NAA11: variants seen among roughly 807,000 people sequenced by gnomAD.
NAA11 encodes N-alpha-acetyltransferase 11.
A neutral mutation model predicts 16.1 loss-of-function variants in NAA11; 15 were observed. The observed-to-expected ratio is 0.93, with a 90% CI of 0.62 to 1.44. NAA11 has a LOEUF of 1.44. Among genes scored for constraint, NAA11 ranks in the 40% most tolerant of loss-of-function variants. NAA11 has a pLI of 0.00. For missense variants in NAA11, 298 were observed against 291.3 expected, an observed-to-expected ratio of 1.02 and a Z score of -0.17; for synonymous variants, 122 against 112.4, an observed-to-expected ratio of 1.09 and a Z score of -0.54.
the NAA11 span, among the ~76,000 whole-genome samples, chr4:79,194,048 C>T: frequency 6.6e-6 from 1 of 152,094 alleles, no homozygotes; most frequent in South Asian, 2.1e-4. Flanking sequence ...TATAAGAATG[C>T]TTGTGATTTT....
At chr4:79,235,634 G>A (rs1578154620) in intron 2 of NAA11, among the ~76,000 whole-genome samples, 2 of 152,116 alleles carry the variant, frequency 1.3e-5, no homozygotes, top group African/African-American at 4.8e-5. Flanking sequence ...TAACAGGATA[G>A]TTACTGACAA....
chr4:79,181,899 A>G, the NAA11 span, among the ~76,000 whole-genome samples: 1 of 152,356 alleles, frequency 6.6e-6, no homozygotes, highest in South Asian at 2.1e-4. Context: ...TGATAGACGT[A>G]TAATTTTACC....
chr4:79,155,928 C>T, the NAA11 span, among the ~76,000 whole-genome samples: 1 of 152,144 alleles, frequency 6.6e-6, no homozygotes, highest in Non-Finnish European at 1.5e-5. Flanking sequence ...TTTTAGGAAA[C>T]ATATTTCATT....
At chr4:79,312,650 A>C (rs979722284), downstream of NAA11, among the ~76,000 whole-genome samples, 3 of 50,352 alleles carry the variant, frequency 6.0e-5, no homozygotes, top group East Asian at 5.6e-3. Flanking sequence ...CCATCTCAAA[A>C]AAAAAAAAAA....
chr4:79,312,646 CAAAAAAAAAAAAAA>C (rs544315352), downstream of NAA11, among the ~76,000 whole-genome samples: 1 of 69,448 alleles, frequency 1.4e-5, no homozygotes, highest in African/African-American at 6.1e-5. Flanking sequence ...GACTCCATCT[CAAAAAAAAAAAAAA>C]AAAAAAAAAA....
Position 79,283,949 on chromosome 4 carries a change from C to T in NAA11, c.*122+10056G>A, listed in dbSNP as rs183797143. Reference sequence around the variant, plus strand: ...ACCTATCCATCCCTATTACCTGCCACAGAGCTTAGGGCTTTTAACAAATAT... The same window carrying T: ...ACCTATCCATCCCTATTACCTGCCATAGAGCTTAGGGCTTTTAACAAATAT... On this transcript the variant is annotated intron_variant and NMD_transcript_variant, in intron 2 of 2. Transcript: ENST00000511542. Among the ~76,000 whole-genome samples, 19 of 152,156 alleles carry T rather than the reference C, an allele frequency of 1.2e-4. No homozygotes were observed. The East Asian group carries it at 2.9e-3, about 23-fold the overall frequency.
At chr4:79,228,336 ATTATT>A (rs1721373232) in intron 2 of NAA11, among the ~76,000 whole-genome samples, 1 of 152,048 alleles carries the variant, frequency 6.6e-6, no homozygotes, top group Admixed American at 6.6e-5. Context: ...GAATTTGGAA[ATTATT>A]TTATTATGAT....
chr4:79,247,850 C>T (rs1721877304), intron 2 of NAA11, among the ~76,000 whole-genome samples: 1 of 152,104 alleles, frequency 6.6e-6, no homozygotes, highest in African/African-American at 2.4e-5. Context: ...CCCCATGACC[C>T]CCACAGACAC....
chr4:79,219,239 G>GGTTAAA, the NAA11 span, among the ~76,000 whole-genome samples: 1 of 152,082 alleles, frequency 6.6e-6, no homozygotes, highest in African/African-American at 2.4e-5. Context: ...ATTGGATGAG[G>GGTTAAA]GTTAAATGAA....
chr4:79,158,747 G>A, the NAA11 span, among the ~76,000 whole-genome samples: 1 of 129,684 alleles, frequency 7.7e-6, no homozygotes, highest in African/African-American at 2.6e-5. Context: ...AAACAGCATG[G>A]TACTGGTATA....
intron 2 of NAA11, among the ~76,000 whole-genome samples, chr4:79,286,612 C>G (rs955018932): frequency 3.3e-5 from 5 of 152,036 alleles, no homozygotes; most frequent in Non-Finnish European, 7.4e-5. Context: ...AATGCTGTGA[C>G]TCGCTCAAAT....
At chr4:79,204,926 T>A in the NAA11 span, among the ~76,000 whole-genome samples, 2 of 39,580 alleles carry the variant, frequency 5.1e-5, no homozygotes, top group African/African-American at 1.4e-4. Flanking sequence ...CCATGGTGTG[T>A]ATACACACAC....
At chr4:79,312,909 A>G (rs1416696725), downstream of NAA11, among the ~76,000 whole-genome samples, 1 of 152,220 alleles carries the variant, frequency 6.6e-6, no homozygotes, top group Non-Finnish European at 1.5e-5. Flanking sequence ...CTTTACCTGA[A>G]AAATATATTA....
At chr4:79,319,424 A>G (rs1724027165) in intron 1 of NAA11, among the ~76,000 whole-genome samples, 1 of 152,226 alleles carries the variant, frequency 6.6e-6, no homozygotes, top group African/African-American at 2.4e-5. Flanking sequence ...ATGGCATTGT[A>G]GAATATTTTC....
At chr4:79,176,771 A>G in the NAA11 span, among the ~76,000 whole-genome samples, 2 of 152,212 alleles carry the variant, frequency 1.3e-5, no homozygotes, top group African/African-American at 2.4e-5. Flanking sequence ...ATACTTCAGT[A>G]TCCCTTCAGA....
At chr4:79,170,061 T>C in the NAA11 span, among the ~76,000 whole-genome samples, 1 of 152,106 alleles carries the variant, frequency 6.6e-6, no homozygotes, top group East Asian at 1.9e-4. Flanking sequence ...TTTGGGTGGG[T>C]CTTTATGACT....
At chr4:79,157,496 C>CAT in the NAA11 span, among the ~76,000 whole-genome samples, 1 of 151,080 alleles carries the variant, frequency 6.6e-6, no homozygotes, top group South Asian at 2.1e-4. Context: ...TATATACACA[C>CAT]ATATATATGT....
chr4:79,171,054 C>T, the NAA11 span, among the ~76,000 whole-genome samples: 1 of 152,040 alleles, frequency 6.6e-6, no homozygotes, highest in African/African-American at 2.4e-5. Flanking sequence ...TAGTGCTTGG[C>T]CCTGGAAACA....
intron 2 of NAA11, among the ~76,000 whole-genome samples, chr4:79,292,897 C>T (rs1448049650): frequency 6.6e-6 from 1 of 152,132 alleles, no homozygotes; most frequent in Non-Finnish European, 1.5e-5. Context: ...ACTCCAAAGC[C>T]AGGATTAACC....
Sources: allele counts gnomAD v4.1 joint callset (sites outside exome capture counted in the v4.1 genomes callset), GRCh38; gene constraint gnomAD v4.1.1; transcripts MANE v1.5; gene names NCBI Gene and HGNC (gene_info 2026-07-23, HGNC 2026-07-21).